The following COL24A1 variants were observed in gnomAD, a reference collection of about 807,000 sequenced individuals.
COL24A1 encodes collagen alpha-1(XXIV) chain.
In COL24A1, 224 loss-of-function variants were observed where a neutral mutation model predicts 253.9. The ratio of observed to expected loss-of-function variants is 0.88; its 90% CI spans 0.79 to 0.99. COL24A1 has a LOEUF of 0.99. Ranked by LOEUF, COL24A1 falls within the 50% of genes least tolerant of loss-of-function variation. COL24A1 has a pLI of 0.00. For missense variants in COL24A1, 2,131 were observed against 2,068.5 expected, an observed-to-expected ratio of 1.03 and a Z score of -0.59; for synonymous variants, 685 against 673.7, an observed-to-expected ratio of 1.02 and a Z score of -0.26.
intron 12 of COL24A1, chr1:86,045,897 C>T (rs1332566633): frequency 2.3e-6 from 1 of 431,520 alleles, no homozygotes; most frequent in Admixed American, 2.5e-5. Context: ...GAGTAGAAGA[C>T]AGAGCAGAAA....
chr1:85,875,096 G>A (rs1680983752), intron 34 of COL24A1, among the ~76,000 whole-genome samples, 181 bp downstream of exon 34: 1 of 152,150 alleles, frequency 6.6e-6, no homozygotes, highest in Non-Finnish European at 1.5e-5. Context: ...TGTCCCTGGT[G>A]CCAGCCAAAT....
chr1:86,033,913 C>T lies in COL24A1; in HGVS notation c.1961G>A (p.Gly654Asp), dbSNP rs1571682314. ...AGCAGGGCCTCTGTCTCCAAAGTCA[C>T]CTGGAAAACCCTGTCACAGGGAAAG... ...KGFKGRQGFP[G>D]DFGDRGPAGL... Residue 654 changes from glycine to aspartate, a missense_variant, in exon 13 of 60, where the codon GGT becomes GAT. Coordinates refer to ENST00000370571, the MANE Select transcript of COL24A1 (RefSeq NM_152890.7). 6.3e-7 allele frequency: 1 copy of T among 1,593,232 alleles called. No individual in the cohort carries two copies. Among genetic ancestry groups the T allele is most frequent in the Non-Finnish European group, 8.5e-7 (1 of 1,171,822 alleles).
intron 24 of COL24A1, among the ~76,000 whole-genome samples, chr1:85,953,099 C>T (rs1690084587): frequency 6.6e-6 from 1 of 151,988 alleles, no homozygotes. Context: ...ATATCCTGAC[C>T]ATAAAAGTAT....
chr1:86,002,710 G>A (rs1695549889), intron 19 of COL24A1, among the ~76,000 whole-genome samples: 1 of 152,064 alleles, frequency 6.6e-6, no homozygotes, highest in South Asian at 2.1e-4. Flanking sequence ...CACTCAAGAT[G>A]GTAGGATATA....
chr1:86,115,237 G>C (rs1706023934), intron 4 of COL24A1, 88 bp downstream of exon 4: 3 of 1,326,940 alleles, frequency 2.3e-6, no homozygotes, highest in Non-Finnish European at 2.1e-6. Context: ...GGTTTCCAAA[G>C]GAAGTACATA....
chr1:85,879,246 G>GGTGTGTGTGT lies in COL24A1; in HGVS notation c.2977-2081_2977-2072dup, dbSNP rs5775875. On this transcript the variant is annotated intron_variant, in intron 32 of 59. Transcript: ENST00000370571. ...ATTTAAGTCTATGATTCATTTTGAGGGTGTGTGTGTGTGTGTGTGTGTGTG... is the reference window on the plus strand; with the variant it reads ...ATTTAAGTCTATGATTCATTTTGAGGGTGTGTGTGTGTGTGTGTGTGTGTGTGTGTGTGTG... 7.3e-3 allele frequency among the ~76,000 whole-genome samples: 1,070 copies of GGTGTGTGTGT among 147,204 alleles called. 1 individual carries two copies. The highest frequency in any genetic ancestry group is 0.01 in the African/African-American group (419 of 40,350).
chr1:86,064,266 C>T (rs1292735061), intron 7 of COL24A1, among the ~76,000 whole-genome samples: 1 of 152,102 alleles, frequency 6.6e-6, no homozygotes, highest in Non-Finnish European at 1.5e-5. Flanking sequence ...AATCATGAGG[C>T]TGCTTACAGG....
At chr1:85,801,433 C>T (rs1671422262) in intron 47 of COL24A1, among the ~76,000 whole-genome samples, 1 of 152,122 alleles carries the variant, frequency 6.6e-6, no homozygotes, top group Non-Finnish European at 1.5e-5. Flanking sequence ...TTTATTTCTC[C>T]CATTTCCTTC....
intron 1 of COL24A1, among the ~76,000 whole-genome samples, chr1:86,151,945 C>T (rs1652834075): frequency 6.6e-6 from 1 of 152,188 alleles, no homozygotes; most frequent in Non-Finnish European, 1.5e-5. Flanking sequence ...ACGTGATATA[C>T]ATCAATAATT....
In COL24A1 at chr1:85,970,223, C is replaced by A; in HGVS notation, c.2463+4G>T. ...TTATGGAAAATTATTTATATGATAC[C>A]TACTCTTGGCCCCAGTTCCCCAAAG... On this transcript the variant is annotated splice_donor_region_variant and intron_variant, in intron 22 of 59. Coordinates refer to ENST00000370571, the MANE Select transcript of COL24A1 (RefSeq NM_152890.7). The A allele has an allele frequency of 6.3e-7, 1 of 1,582,196 alleles. No individual in the cohort carries two copies.
intron 43 of COL24A1, among the ~76,000 whole-genome samples, chr1:85,824,868 A>C (rs313748): frequency 9.2e-5 from 14 of 151,660 alleles, no homozygotes; most frequent in African/African-American, 3.4e-4. Context: ...GGCTAGAAGA[A>C]GAGATTGCAT....
chr1:86,116,643 A>G (rs966114083), intron 3 of COL24A1, among the ~76,000 whole-genome samples: 39 of 152,254 alleles, frequency 2.6e-4, no homozygotes, highest in African/African-American at 9.1e-4. Flanking sequence ...GTTATTTTGC[A>G]TATTTCTCAT....
chr1:85,730,757 C>G, intron 59 of COL24A1, 65 bp from the exon 60 acceptor site: 1 of 1,515,880 alleles, frequency 6.6e-7, no homozygotes, highest in Non-Finnish European at 9.1e-7. Flanking sequence ...GTAGACAATG[C>G]CTTTCACAGA....
intron 24 of COL24A1, among the ~76,000 whole-genome samples, chr1:85,918,909 C>T (rs1486391432): frequency 6.6e-6 from 1 of 152,190 alleles, no homozygotes; most frequent in Non-Finnish European, 1.5e-5. Flanking sequence ...TTATACCTCC[C>T]TATGCTACTG....
chr1:85,817,530 GAGCC>G (rs1162421663), intron 46 of COL24A1, among the ~76,000 whole-genome samples: 2 of 151,838 alleles, frequency 1.3e-5, no homozygotes, highest in Non-Finnish European at 2.9e-5. Flanking sequence ...CTTTGCTAAA[GAGCC>G]AGTCAACACT....
At chr1:86,048,250 T>G (rs1383715180) in intron 11 of COL24A1, among the ~76,000 whole-genome samples, 1 of 152,188 alleles carries the variant, frequency 6.6e-6, no homozygotes, top group Non-Finnish European at 1.5e-5. Context: ...GCATGTAATG[T>G]ACAATATTGA....
At chr1:86,077,538 C>T (rs973072844) in intron 7 of COL24A1, among the ~76,000 whole-genome samples, 3 of 152,110 alleles carry the variant, frequency 2.0e-5, no homozygotes, top group Non-Finnish European at 4.4e-5. Flanking sequence ...CACATGCACG[C>T]ATATGTTTAT....
chr1:85,974,417 C>G (rs1188908959), intron 20 of COL24A1, among the ~76,000 whole-genome samples: 1 of 151,972 alleles, frequency 6.6e-6, no homozygotes, highest in Non-Finnish European at 1.5e-5. Flanking sequence ...AAGAATGAAC[C>G]TATAATTACA....
intron 5 of COL24A1, among the ~76,000 whole-genome samples, chr1:86,097,540 C>T (rs1704069027): frequency 1.2e-4 from 1 of 8,412 alleles, no homozygotes; most frequent in Non-Finnish European, 3.0e-4. Context: ...CCTCCTCCTC[C>T]CTCCTCCCTC....
Sources: gnomAD v4.1 joint callset for allele counts (sites outside exome capture counted in the v4.1 genomes callset) on GRCh38, gnomAD v4.1.1 for gene constraint, MANE v1.5 for transcripts, NCBI Gene and HGNC (gene_info 2026-07-23, HGNC 2026-07-21) for gene names.